PIBF1: variants seen among roughly 807,000 people sequenced by gnomAD.
PIBF1 encodes progesterone-induced-blocking factor 1.
A neutral mutation model predicts 112.5 loss-of-function variants in PIBF1; 90 were observed. That is an observed-to-expected ratio of 0.80 (90% CI 0.67 to 0.95). The LOEUF (loss-of-function observed/expected upper bound fraction) is 0.95, where lower values mean the gene tolerates loss of function less well. Ranked by LOEUF, PIBF1 falls within the 40% of genes least tolerant of loss-of-function variation. The pLI is 0.00. For synonymous variants in PIBF1, 301 were observed against 288.6 expected, an observed-to-expected ratio of 1.04 and a Z score of -0.44; for missense variants, 915 against 852.3, an observed-to-expected ratio of 1.07 and a Z score of -0.92.
intron 17 of PIBF1, among the ~76,000 whole-genome samples, chr13:73,003,652 T>C (rs1186705279): frequency 6.6e-6 from 1 of 152,202 alleles, no homozygotes; most frequent in Non-Finnish European, 1.5e-5. Context: ...TTAAAACTGC[T>C]GCTCCTATAG....
chr13:72,939,707 A>G (rs189388042), intron 14 of PIBF1, among the ~76,000 whole-genome samples: 1 of 152,300 alleles, frequency 6.6e-6, no homozygotes, highest in Admixed American at 6.5e-5. Flanking sequence ...ATACAAGCAA[A>G]TGTATGAGTA....
chr13:72,985,537 C>T (rs562555169), intron 16 of PIBF1, among the ~76,000 whole-genome samples: 1 of 151,806 alleles, frequency 6.6e-6, no homozygotes, highest in African/African-American at 2.4e-5. Context: ...GGGTGAGACT[C>T]CGTCTCAAAA....
intron 17 of PIBF1, among the ~76,000 whole-genome samples, chr13:73,005,004 G>A: frequency 6.6e-6 from 1 of 152,164 alleles, no homozygotes; most frequent in Middle Eastern, 3.2e-3. Flanking sequence ...GACCAACATG[G>A]AGAAATCCCG....
At chr13:72,920,129 TTAAAG>T (rs547111412) in intron 13 of PIBF1, among the ~76,000 whole-genome samples, 84 of 152,316 alleles carry the variant, frequency 5.5e-4, no homozygotes, top group African/African-American at 1.9e-3. Context: ...TTTTTAATAT[TTAAAG>T]TGAGGATTTA....
Position 72,798,005 on chromosome 13 carries a change from C to G in PIBF1, c.651C>G (p.Asn217Lys), listed in dbSNP as rs766298119. The G allele has an allele frequency of 1.9e-6, 3 of 1,602,302 alleles. No homozygotes were observed. The highest frequency in any genetic ancestry group is 2.7e-5 in the African/African-American group (2 of 74,112). Residue 217 changes from asparagine to lysine, a missense_variant, in exon 5 of 18, where the codon AAC becomes AAG. Transcript: ENST00000326291. ...ILAEELSTNK[N>K]QLKQLTETYE... The stretch of plus-strand genomic sequence containing the variant: ...CAGAAGAATTAAGTACAAACAAAAA[C>G]CAACTGAAGCAGCTGACAGAGGTTT...
chr13:72,836,531 C>T (rs779663878), intron 9 of PIBF1, among the ~76,000 whole-genome samples: 1 of 152,032 alleles, frequency 6.6e-6, no homozygotes, highest in Non-Finnish European at 1.5e-5. Flanking sequence ...TTAGCCACTA[C>T]TATAAAAACT....
chr13:72,800,594 T>C (rs2035421988), intron 5 of PIBF1, among the ~76,000 whole-genome samples: 1 of 152,238 alleles, frequency 6.6e-6, no homozygotes, highest in Non-Finnish European at 1.5e-5. Context: ...CACGTGGTCA[T>C]ATTATAAAGA....
In PIBF1 at chr13:73,016,320, A is replaced by C. The variant is rs1209193791; in HGVS notation, c.*401A>C. The C allele has an allele frequency of 6.6e-6, 1 of 152,396 alleles. No homozygotes were observed. The highest frequency in any genetic ancestry group is 2.4e-5 in the African/African-American group (1 of 41,462). The allele number at this position is 152,396 out of a possible 1,614,324, so 9.4% of individuals were successfully genotyped here. A position where few individuals can be genotyped will look rare whatever the true frequency, so the allele number is the denominator to read the frequency against. On this transcript the variant is annotated 3_prime_UTR_variant, in exon 18 of 18. Transcript: ENST00000326291. ...TGAAGTCCACTACGAGGTACTTCAA[A>C]AGCCCAGTAATGGTGGTCAGATACC...
In PIBF1 at chr13:72,908,624, G is replaced by A; in HGVS notation, c.1582G>A (p.Asp528Asn). Reference sequence around the variant, plus strand: ...GAACTCAGAGCATCAAGCAAGGCTAGACATTTATGAGAAACTGGAAAAAGA... The same window carrying A: ...GAACTCAGAGCATCAAGCAAGGCTAAACATTTATGAGAAACTGGAAAAAGA... ...AQNSEHQARLDIYEKLEKELD... is the reference protein window; with the variant it reads ...AQNSEHQARLNIYEKLEKELD... Residue 528 changes from aspartate (D) to asparagine (N), a missense_variant, in exon 12 of 18, where the codon GAC becomes AAC. Physicochemically the swap from Asp to Asn is conservative, Grantham distance 23. Transcript: ENST00000326291. 6.2e-7 allele frequency: 1 copy of A among 1,613,296 alleles called. No homozygotes were observed. The highest frequency in any genetic ancestry group is 8.5e-7 in the Non-Finnish European group (1 of 1,179,502).
At chr13:72,999,167 A>G (rs1462045763) in intron 17 of PIBF1, among the ~76,000 whole-genome samples, 172 bp downstream of exon 17, 3 of 152,176 alleles carry the variant, frequency 2.0e-5, no homozygotes, top group Non-Finnish European at 4.4e-5. Flanking sequence ...TATATTACCT[A>G]TCTTATAGAT....
At chr13:72,850,605 TA>T (rs1184031688) in intron 9 of PIBF1, among the ~76,000 whole-genome samples, 11 of 152,230 alleles carry the variant, frequency 7.2e-5, no homozygotes, top group Admixed American at 2.0e-4. Context: ...ATTAGTCCTG[TA>T]AATGTGCTCT....
Position 72,949,606 on chromosome 13 carries a change from G to A in PIBF1, c.1834-15668G>A, listed in dbSNP as rs116543303. ...TGCTGGGATTACAGGCGTGAGCCACGGCACCCAGCTAACGAATAGCTTTCA... is the reference window on the plus strand; with the variant it reads ...TGCTGGGATTACAGGCGTGAGCCACAGCACCCAGCTAACGAATAGCTTTCA... On this transcript the variant is annotated intron_variant, in intron 14 of 17. Coordinates refer to ENST00000326291, the MANE Select transcript of PIBF1 (RefSeq NM_006346.4). Among the ~76,000 whole-genome samples, 1,226 of 152,148 alleles carry A rather than the reference G, an allele frequency of 8.1e-3. 14 individuals are homozygous for A. Among genetic ancestry groups the A allele is most frequent in the African/African-American group, 0.028 (1,151 of 41,530 alleles).
Position 72,798,026 on chromosome 13 carries a change from G to A in PIBF1, c.672G>A (p.Glu224=). ...AAAACCAACTGAAGCAGCTGACAGAGGTTTGTATGGTTTTGATTGCTGGTG... is the reference window on the plus strand; with the variant it reads ...AAAACCAACTGAAGCAGCTGACAGAAGTTTGTATGGTTTTGATTGCTGGTG... ...TNKNQLKQLT[E]TYEEDRKNYS... is the part of the protein sequence containing the mutation. The change falls in exon 5 of 18, where the codon GAG becomes GAA. Residue 224 remains glutamate (E), a splice_region_variant and synonymous_variant. Coordinates refer to ENST00000326291, the MANE Select transcript of PIBF1 (RefSeq NM_006346.4). 6.3e-7 allele frequency: 1 copy of A among 1,587,868 alleles called. No homozygotes were observed. The highest frequency in any genetic ancestry group is 8.5e-7 in the Non-Finnish European group (1 of 1,171,284).
At chr13:72,826,108 T>C (rs1201232113) in intron 6 of PIBF1, among the ~76,000 whole-genome samples, 1 of 151,426 alleles carries the variant, frequency 6.6e-6, no homozygotes. Flanking sequence ...AAATAAAATT[T>C]AAAAATTTTT....
chr13:72,797,121 A>G (rs2035236403), intron 4 of PIBF1, among the ~76,000 whole-genome samples: 1 of 152,162 alleles, frequency 6.6e-6, no homozygotes, highest in South Asian at 2.1e-4. Flanking sequence ...GACCTGAACT[A>G]AATGGAAGTA....
chr13:72,885,299 C>T (rs1026434785), intron 10 of PIBF1, among the ~76,000 whole-genome samples: 3 of 152,038 alleles, frequency 2.0e-5, no homozygotes, highest in South Asian at 2.1e-4. Flanking sequence ...TCATCTTTTA[C>T]GGACACCTAA....
At chr13:72,943,214 T>C (rs541849216) in intron 14 of PIBF1, among the ~76,000 whole-genome samples, 11 of 152,164 alleles carry the variant, frequency 7.2e-5, no homozygotes, top group African/African-American at 2.6e-4. Flanking sequence ...AAGGTGAAGA[T>C]GGGGAATGAA....
chr13:72,843,307 T>C (rs555818971), intron 9 of PIBF1, among the ~76,000 whole-genome samples: 1 of 152,324 alleles, frequency 6.6e-6, no homozygotes, highest in African/African-American at 2.4e-5. Flanking sequence ...CGTAGGAGAA[T>C]TGGCAAGATC....
At chr13:72,907,457 G>A (rs1392996676) in intron 11 of PIBF1, among the ~76,000 whole-genome samples, 2 of 152,066 alleles carry the variant, frequency 1.3e-5, no homozygotes, top group African/African-American at 4.8e-5. Context: ...ACTATTTCAT[G>A]CAGAATTGTC....
Sources: gnomAD v4.1 joint callset for allele counts (sites outside exome capture counted in the v4.1 genomes callset) on GRCh38, gnomAD v4.1.1 for gene constraint, MANE v1.5 for transcripts, NCBI Gene and HGNC (gene_info 2026-07-23, HGNC 2026-07-21) for gene names.